The following SOX5 variants were observed in gnomAD, a reference collection of about 807,000 sequenced individuals.
The protein encoded by SOX5 is transcription factor SOX-5.
SOX5 carries 9 observed loss-of-function variants against 92.0 expected under a neutral mutation model. The ratio of observed to expected loss-of-function variants is 0.10; its 90% CI spans 0.06 to 0.17. SOX5 has a LOEUF of 0.17. Among genes scored for constraint, SOX5 ranks in the 10% least tolerant of loss-of-function variants. The pLI is 1.00. For missense variants in SOX5, 642 were observed against 944.5 expected (o/e 0.68, Z 4.20); for synonymous variants, 344 against 336.3 (o/e 1.02, Z -0.25).
chr12:24,429,969 T>C (rs551088801), intron 1 of SOX5, among the ~76,000 whole-genome samples: 89 of 152,304 alleles, frequency 5.8e-4, no homozygotes, highest in African/African-American at 2.1e-3. Context: ...TTTGAATTTT[T>C]AAAGGTAGAA....
intron 3 of SOX5, among the ~76,000 whole-genome samples, chr12:23,817,088 A>G (rs1331790357): frequency 6.6e-6 from 1 of 152,222 alleles, no homozygotes; most frequent in Non-Finnish European, 1.5e-5. Flanking sequence ...GAATTCAAGC[A>G]GTTTTGGTTA....
chr12:23,627,713 C>A (rs1198267360), intron 8 of SOX5, among the ~76,000 whole-genome samples: 1 of 151,996 alleles, frequency 6.6e-6, no homozygotes, highest in East Asian at 1.9e-4. Context: ...GCAAATAAGG[C>A]CTGTGTTATC....
chr12:24,055,788 A>G (rs1958031368), intron 4 of SOX5, among the ~76,000 whole-genome samples: 1 of 152,234 alleles, frequency 6.6e-6, no homozygotes, highest in Non-Finnish European at 1.5e-5. Context: ...GAAAAGAAAA[A>G]CTAGTACAAT....
chr12:24,041,872 G>C (rs928461468), intron 4 of SOX5, among the ~76,000 whole-genome samples: 1 of 152,022 alleles, frequency 6.6e-6, no homozygotes, highest in African/African-American at 2.4e-5. Context: ...GGTAAGACTT[G>C]CTTTATTTGA....
At chr12:23,698,541 T>A (rs985527979) in intron 6 of SOX5, among the ~76,000 whole-genome samples, 2 of 152,214 alleles carry the variant, frequency 1.3e-5, no homozygotes, top group Non-Finnish European at 2.9e-5. Context: ...TAGCTTCCAA[T>A]CATCTCCTTA....
At chr12:24,070,021 G>A (rs543910905) in intron 4 of SOX5, among the ~76,000 whole-genome samples, 3 of 152,032 alleles carry the variant, frequency 2.0e-5, no homozygotes, top group Non-Finnish European at 2.9e-5. Context: ...GTCAACAACC[G>A]GGGAGAGCGC....
At chr12:23,827,023 A>C (rs2096245392) in intron 3 of SOX5, among the ~76,000 whole-genome samples, 1 of 152,210 alleles carries the variant, frequency 6.6e-6, no homozygotes, top group Non-Finnish European at 1.5e-5. Flanking sequence ...TTCAGTAATT[A>C]TACCATGCAA....
At position 24,336,235 on chromosome 12, in the gene SOX5, C is replaced by G. The variant is rs369902245; in HGVS notation, c.-174+32328G>C. 4.6e-4 allele frequency among the ~76,000 whole-genome samples: 70 copies of G among 151,818 alleles called. 1 individual carries two copies. The East Asian group carries it at 0.011, about 25-fold the overall frequency. On this transcript the variant is annotated intron_variant, in intron 2 of 4. Coordinates refer to the SOX5 transcript ENST00000446891. ...TCAGCCCCCTGAGTAGCTGGGACCACAGGCGCCCGCCACCACGCCCAGTAA... is the reference window on the plus strand; with the variant it reads ...TCAGCCCCCTGAGTAGCTGGGACCAGAGGCGCCCGCCACCACGCCCAGTAA...
At chr12:24,254,955 A>G (rs1361012637) in intron 3 of SOX5, among the ~76,000 whole-genome samples, 2 of 152,064 alleles carry the variant, frequency 1.3e-5, no homozygotes, top group Non-Finnish European at 2.9e-5. Context: ...AGAAGAGGAG[A>G]TCACAGTGGC....
intron 1 of SOX5, among the ~76,000 whole-genome samples, chr12:24,560,190 G>T (rs1341189267): frequency 6.6e-6 from 1 of 152,058 alleles, no homozygotes; most frequent in African/African-American, 2.4e-5. Flanking sequence ...GGGGAAAAAA[G>T]AAAGAATTTC....
intron 13 of SOX5, among the ~76,000 whole-genome samples, chr12:23,537,407 C>T (rs1342655513): frequency 6.6e-6 from 1 of 152,112 alleles, no homozygotes; most frequent in African/African-American, 2.4e-5. Context: ...AAGTACAGAT[C>T]TGTGACTCAA....
chr12:24,443,384 AATTTAGCG>A (rs1386978386), intron 1 of SOX5, among the ~76,000 whole-genome samples: 2 of 152,198 alleles, frequency 1.3e-5, no homozygotes, highest in African/African-American at 4.8e-5. Flanking sequence ...ATGCCACATG[AATTTAGCG>A]ATTTCCATCA....
chr12:24,269,520 A>T (rs535578851), intron 3 of SOX5, among the ~76,000 whole-genome samples: 1 of 152,234 alleles, frequency 6.6e-6, no homozygotes, highest in East Asian at 1.9e-4. Context: ...GTGTTCAACT[A>T]AGCCTTTTTG....
chr12:24,355,252 A>C (rs1354894548), intron 2 of SOX5, among the ~76,000 whole-genome samples: 4 of 140,796 alleles, frequency 2.8e-5, no homozygotes, highest in Non-Finnish European at 6.0e-5. Flanking sequence ...CCTGGGGTTC[A>C]GGAGTTAGCA....
intron 4 of SOX5, among the ~76,000 whole-genome samples, chr12:23,966,003 T>A (rs1055583378): frequency 5.3e-5 from 8 of 152,072 alleles, no homozygotes; most frequent in African/African-American, 1.9e-4. Flanking sequence ...TAAAAGTTTC[T>A]GTGCTGTCCA....
At chr12:24,078,534 G>C (rs934146685) in intron 4 of SOX5, among the ~76,000 whole-genome samples, 2 of 152,010 alleles carry the variant, frequency 1.3e-5, no homozygotes, top group Non-Finnish European at 2.9e-5. Context: ...GTCATTGAAG[G>C]CTTTCAATCA....
chr12:24,303,330 T>TGATTACTCTG lies in SOX5; in HGVS notation c.-173-26019_-173-26018insCAGAGTAATC, dbSNP rs1487044808. ...CATATTACAGTAATCATACAGAGTA[T>TGATTACTCTG]AGGGGACAAAACAAGACGTTAGACA... On this transcript the variant is annotated intron_variant, in intron 2 of 4. Coordinates refer to the SOX5 transcript ENST00000446891. Among the ~76,000 whole-genome samples, 320 of 152,294 alleles carry TGATTACTCTG rather than the reference T, an allele frequency of 2.1e-3. 1 individual carries two copies. The highest frequency in any genetic ancestry group is 7.3e-3 in the African/African-American group (305 of 41,572).
chr12:23,943,106 G>A (rs1943957644), intron 1 of SOX5, among the ~76,000 whole-genome samples: 1 of 151,956 alleles, frequency 6.6e-6, no homozygotes, highest in South Asian at 2.1e-4. Context: ...GCACATGAAT[G>A]AGACATGGTT....
At chr12:24,038,847 GT>G (rs1352672722) in intron 4 of SOX5, among the ~76,000 whole-genome samples, 1 of 152,044 alleles carries the variant, frequency 6.6e-6, no homozygotes, top group Admixed American at 6.6e-5. Flanking sequence ...TCTCAGTCCT[GT>G]TTACAGATGT....
Sources: gnomAD v4.1 joint callset for allele counts (sites outside exome capture counted in the v4.1 genomes callset) on GRCh38, gnomAD v4.1.1 for gene constraint, MANE v1.5 for transcripts, NCBI Gene and HGNC (gene_info 2026-07-23, HGNC 2026-07-21) for gene names.